DPYD: variants seen among roughly 807,000 people sequenced by gnomAD.
DPYD encodes the protein dihydropyrimidine dehydrogenase, also known as dihydropyrimidine dehydrogenase [NADP(+)].
In DPYD, 109 loss-of-function variants were observed where a neutral mutation model predicts 116.2. The observed-to-expected ratio is 0.94, with a 90% confidence interval of 0.80 to 1.10. The LOEUF (loss-of-function observed/expected upper bound fraction) is 1.10. DPYD is among the 50% of genes least tolerant of loss of function. The pLI is 0.00. For missense variants in DPYD, 1,302 were observed against 1,254.5 expected (o/e 1.04, Z -0.57); for synonymous variants, 440 against 432.0 (o/e 1.02, Z -0.23).
intron 21 of DPYD, among the ~76,000 whole-genome samples, chr1:97,090,105 G>A (rs1300470954): frequency 6.6e-6 from 1 of 152,086 alleles, no homozygotes; most frequent in Admixed American, 6.6e-5. Context: ...ACAAAAGAAT[G>A]AGTTTACCAT....
intron 16 of DPYD, among the ~76,000 whole-genome samples, chr1:97,309,146 C>T (rs1667337832): frequency 6.6e-6 from 1 of 151,804 alleles, no homozygotes; most frequent in African/African-American, 2.4e-5. Context: ...CTTTACAAAT[C>T]ACTGGTAATT....
rs972406547 is a variant in DPYD at position 97,822,236 on chromosome 1, C to CTATA, written c.233+5874_233+5877dup. ...AGCAATTTTGTTTCTCTCTCTCTCT[C>CTATA]TATATATATATACACACACACAGAT... On this transcript the variant is annotated intron_variant, in intron 3 of 22. Transcript: ENST00000370192. 9.6e-3 allele frequency among the ~76,000 whole-genome samples: 1,423 copies of CTATA among 148,894 alleles called. 29 individuals carry two copies. The highest frequency in any genetic ancestry group is 0.034 in the African/African-American group (1,382 of 40,560).
At chr1:97,618,019 A>G (rs143628949) in intron 8 of DPYD, among the ~76,000 whole-genome samples, 61 of 152,310 alleles carry the variant, frequency 4.0e-4, no homozygotes, top group African/African-American at 1.4e-3. Context: ...TGATAACTAT[A>G]TAAGAAACCA....
chr1:97,830,357 T>A (rs1421038178), intron 2 of DPYD, among the ~76,000 whole-genome samples: 1 of 152,112 alleles, frequency 6.6e-6, no homozygotes, highest in Non-Finnish European at 1.5e-5. Context: ...GGTTGGAAGA[T>A]TACTTGACTA....
At chr1:97,309,937 G>T (rs911749866) in intron 16 of DPYD, among the ~76,000 whole-genome samples, 1 of 151,660 alleles carries the variant, frequency 6.6e-6, no homozygotes, top group African/African-American at 2.4e-5. Flanking sequence ...CCTCTTCATT[G>T]TAGAGCAGGT....
intron 1 of DPYD, among the ~76,000 whole-genome samples, chr1:97,913,830 G>A (rs999805885): frequency 6.6e-5 from 10 of 151,960 alleles, no homozygotes; most frequent in African/African-American, 2.4e-4. Context: ...GCAGAGAGAG[G>A]TGAGGAATAA....
At chr1:97,636,744 T>A (rs1657587214) in intron 8 of DPYD, among the ~76,000 whole-genome samples, 1 of 152,202 alleles carries the variant, frequency 6.6e-6, no homozygotes, top group Non-Finnish European at 1.5e-5. Context: ...GCTTCCCCAG[T>A]AATGTCTGAA....
intron 8 of DPYD, among the ~76,000 whole-genome samples, chr1:97,678,852 G>A (rs1660287513): frequency 1.3e-5 from 2 of 152,134 alleles, no homozygotes; most frequent in African/African-American, 4.8e-5. Context: ...CACTGGTGAT[G>A]ATGGTGTGGT....
intron 20 of DPYD, among the ~76,000 whole-genome samples, chr1:97,181,259 G>C (rs557432914): frequency 4.6e-4 from 70 of 152,178 alleles, no homozygotes; most frequent in African/African-American, 1.3e-3. Context: ...AAGTTGGGGA[G>C]GCTTACAGGA....
intron 10 of DPYD, among the ~76,000 whole-genome samples, chr1:97,590,330 A>C (rs566612574): frequency 6.6e-6 from 1 of 152,288 alleles, no homozygotes; most frequent in African/African-American, 2.4e-5. Context: ...TACTGTTATA[A>C]TATTTATCTA....
chr1:97,707,678 TAGCAAACTG>T (rs1421178563), intron 5 of DPYD, among the ~76,000 whole-genome samples: 1 of 152,002 alleles, frequency 6.6e-6, no homozygotes. Flanking sequence ...TATTTTGTTG[TAGCAAACTG>T]AGCAGACTAA....
intron 19 of DPYD, among the ~76,000 whole-genome samples, chr1:97,231,408 C>T (rs889966445): frequency 2.6e-5 from 4 of 152,170 alleles, no homozygotes; most frequent in Non-Finnish European, 5.9e-5. Flanking sequence ...CTAATTGACT[C>T]ACAGTTCCAC....
intron 18 of DPYD, among the ~76,000 whole-genome samples, chr1:97,267,829 A>T (rs1342112831): frequency 6.6e-6 from 1 of 152,078 alleles, no homozygotes; most frequent in Non-Finnish European, 1.5e-5. Context: ...TCCTTCTCAT[A>T]TACAAAATAT....
intron 20 of DPYD, among the ~76,000 whole-genome samples, chr1:97,117,397 G>A (rs944553704): frequency 1.3e-5 from 2 of 152,110 alleles, no homozygotes; most frequent in Admixed American, 1.3e-4. Flanking sequence ...CTAAAGCAAA[G>A]CTTTTTTATT....
chr1:97,890,084 G>A (rs1672704683), intron 1 of DPYD, among the ~76,000 whole-genome samples: 1 of 151,928 alleles, frequency 6.6e-6, no homozygotes, highest in Admixed American at 6.6e-5. Flanking sequence ...GAGATAAAAA[G>A]TATATTAGTG....
At chr1:97,282,815 T>C (rs545298655) in intron 18 of DPYD, among the ~76,000 whole-genome samples, 53 of 152,102 alleles carry the variant, frequency 3.5e-4, no homozygotes, top group Non-Finnish European at 6.0e-4. Flanking sequence ...GTGAGAACGG[T>C]ATTTGGTTTT....
Position 97,511,523 on chromosome 1 carries a change from T to C in DPYD, c.1740+4203A>G, listed in dbSNP as rs889285902. On this transcript the variant is annotated intron_variant, in intron 13 of 22. Coordinates refer to ENST00000370192, the MANE Select transcript of DPYD (RefSeq NM_000110.4). ...CTTGTGGAAAACAACAACAACAACA[T>C]TTTATTTTAAATAATTCATTTATAT... 2.6e-5 allele frequency among the ~76,000 whole-genome samples: 4 copies of C among 152,024 alleles called. No homozygotes were observed. The East Asian group carries it at 5.8e-4, about 22-fold the overall frequency.
At chr1:97,832,034 T>C (rs905085186) in intron 2 of DPYD, among the ~76,000 whole-genome samples, 6 of 140,572 alleles carry the variant, frequency 4.3e-5, no homozygotes, top group Non-Finnish European at 6.2e-5. Context: ...ATAGCTTTAA[T>C]ATATAATGTA....
chr1:97,474,577 T>C (rs1418263735), intron 13 of DPYD, among the ~76,000 whole-genome samples: 1 of 151,892 alleles, frequency 6.6e-6, no homozygotes, highest in Non-Finnish European at 1.5e-5. Flanking sequence ...TTATTAATAA[T>C]TCATTTAATA....
Sources: allele counts gnomAD v4.1 joint callset (sites outside exome capture counted in the v4.1 genomes callset), GRCh38; gene constraint gnomAD v4.1.1; transcripts MANE v1.5; gene names NCBI Gene and HGNC (gene_info 2026-07-23, HGNC 2026-07-21).